Variants in STK32B observed in about 807,000 individuals in gnomAD.
STK32B encodes the protein serine/threonine-protein kinase 32B.
In STK32B, 43 loss-of-function variants were observed where a neutral mutation model predicts 52.6. The observed-to-expected ratio is 0.82, with a 90% confidence interval of 0.64 to 1.05. The LOEUF is 1.05. Among genes scored for constraint, STK32B ranks in the 50% least tolerant of loss-of-function variants. The pLI is 0.00. For synonymous variants in STK32B, 238 were observed against 204.3 expected (o/e 1.17, Z -1.41); for missense variants, 621 against 534.6 (o/e 1.16, Z -1.59).
chr4:5,280,365 GTC>G (rs1728115003), intron 3 of STK32B, among the ~76,000 whole-genome samples: 1 of 152,110 alleles, frequency 6.6e-6, no homozygotes, highest in Non-Finnish European at 1.5e-5. Flanking sequence ...CACTGTCCAT[GTC>G]ACTATCAGCA....
intron 1 of STK32B, among the ~76,000 whole-genome samples, chr4:5,137,591 G>A (rs941865185): frequency 6.6e-6 from 1 of 152,136 alleles, no homozygotes; most frequent in Non-Finnish European, 1.5e-5. Flanking sequence ...TGGAATGTAG[G>A]CCCCATTTTC....
chr4:5,153,161 G>T (rs1206663856), intron 2 of STK32B, among the ~76,000 whole-genome samples: 1 of 152,216 alleles, frequency 6.6e-6, no homozygotes, highest in Non-Finnish European at 1.5e-5. Flanking sequence ...CTGGAAACAA[G>T]TGGGGTCAGG....
chr4:5,158,141 C>A (rs1238433180), intron 2 of STK32B, among the ~76,000 whole-genome samples: 1 of 152,104 alleles, frequency 6.6e-6, no homozygotes, highest in Non-Finnish European at 1.5e-5. Context: ...CCATTACTGA[C>A]CAGCTTGGTG....
chr4:5,254,511 A>G (rs772537082), intron 3 of STK32B, among the ~76,000 whole-genome samples: 1 of 152,130 alleles, frequency 6.6e-6, no homozygotes, highest in Non-Finnish European at 1.5e-5. Context: ...CTGACAATGC[A>G]CTTAAGGTGA....
chr4:5,152,732 A>G (rs759854505), intron 2 of STK32B, among the ~76,000 whole-genome samples: 4 of 152,272 alleles, frequency 2.6e-5, no homozygotes, highest in Non-Finnish European at 5.9e-5. Context: ...TTTGCAGGCC[A>G]TTGCAGGTGT....
chr4:5,344,706 T>C (rs1397085568), intron 4 of STK32B, among the ~76,000 whole-genome samples: 4 of 150,370 alleles, frequency 2.7e-5, no homozygotes, highest in Non-Finnish European at 5.9e-5. Context: ...TTTTTTTTTG[T>C]CTTTTAATCA....
chr4:5,499,734 A>T lies in STK32B; in HGVS notation c.*651A>T, dbSNP rs933968986. 2 of 152,324 alleles carry T rather than the reference A, an allele frequency of 1.3e-5. No individual in the cohort carries two copies. Among genetic ancestry groups the T allele is most frequent in the Admixed American group, 6.5e-5 (1 of 15,286 alleles). The allele number at this position is 152,324 out of a possible 1,614,324, so 9.4% of individuals were successfully genotyped here. A position where few individuals can be genotyped will look rare whatever the true frequency, so the allele number is the denominator to read the frequency against. On this transcript the variant is annotated 3_prime_UTR_variant, in exon 12 of 12. Transcript: ENST00000282908. ...GCGGTCTCACTCCTCCCCTCATTTA[A>T]GAAGACTATCCTTACCTTTTAGTTT... is the stretch of plus-strand genomic sequence containing the variant.
chr4:5,468,999 G>A lies in STK32B; in HGVS notation c.1106+929G>A, dbSNP rs994443838. ...CGGGAGGCAGAGCTTGCAGTGAGCC[G>A]AGATCGCGCACACTGCACTCCAGCC... On this transcript the variant is annotated intron_variant, in intron 11 of 11. Coordinates refer to ENST00000282908, the MANE Select transcript of STK32B (RefSeq NM_018401.3). 3.3e-4 allele frequency among the ~76,000 whole-genome samples: 50 copies of A among 150,578 alleles called. 1 individual carries two copies. Among genetic ancestry groups the A allele is most frequent in the African/African-American group, 1.1e-3 (46 of 40,784 alleles).
At chr4:5,335,120 G>C (rs1732561940) in intron 4 of STK32B, among the ~76,000 whole-genome samples, 3 of 152,096 alleles carry the variant, frequency 2.0e-5, no homozygotes, top group South Asian at 2.1e-4. Context: ...ACTCTTTTTT[G>C]TTGGTAAGCT....
chr4:5,493,196 A>G (rs1719899969), intron 11 of STK32B, among the ~76,000 whole-genome samples: 1 of 152,048 alleles, frequency 6.6e-6, no homozygotes, highest in Non-Finnish European at 1.5e-5. Flanking sequence ...TCGGCTGTGA[A>G]TCCATCTGGT....
At chr4:5,427,008 A>G (rs974910029) in intron 6 of STK32B, 3 of 152,226 alleles carry the variant, frequency 2.0e-5, no homozygotes, top group East Asian at 3.8e-4. Context: ...TAAAAGCTGA[A>G]GTTTTAAATT....
intron 3 of STK32B, among the ~76,000 whole-genome samples, chr4:5,215,981 A>G (rs1021464410): frequency 1.3e-5 from 2 of 152,184 alleles, no homozygotes; most frequent in African/African-American, 4.8e-5. Context: ...TCCCTTATCC[A>G]AAGTTGGCCT....
intron 3 of STK32B, among the ~76,000 whole-genome samples, chr4:5,231,463 G>A (rs1335271669): frequency 6.6e-6 from 1 of 151,874 alleles, no homozygotes. Flanking sequence ...ATACAAAAAA[G>A]TAGCCAGGCA....
chr4:5,131,810 C>T (rs1715794483), intron 1 of STK32B, among the ~76,000 whole-genome samples: 1 of 152,222 alleles, frequency 6.6e-6, no homozygotes, highest in East Asian at 1.9e-4. Flanking sequence ...ATTGCAGCTC[C>T]TGCCCCCAAC....
intron 4 of STK32B, among the ~76,000 whole-genome samples, chr4:5,354,499 C>T (rs1734048119): frequency 6.6e-6 from 1 of 152,212 alleles, no homozygotes. Flanking sequence ...CTCCTGACTT[C>T]AGGTGATCCG....
chr4:5,141,567 C>T (rs1347769299), intron 2 of STK32B, among the ~76,000 whole-genome samples: 1 of 152,100 alleles, frequency 6.6e-6, no homozygotes, highest in Non-Finnish European at 1.5e-5. Context: ...TGTAGAAGTT[C>T]ATAGAAGTTC....
At chr4:5,265,547 A>G (rs886533461) in intron 3 of STK32B, among the ~76,000 whole-genome samples, 3 of 152,240 alleles carry the variant, frequency 2.0e-5, no homozygotes, top group Non-Finnish European at 4.4e-5. Flanking sequence ...GCACTGACAC[A>G]TTTGCTGTAG....
At chr4:5,319,554 A>T (rs1011365441) in intron 3 of STK32B, among the ~76,000 whole-genome samples, 1 of 141,038 alleles carries the variant, frequency 7.1e-6, no homozygotes, top group Non-Finnish European at 1.5e-5. Context: ...CTCCCATCTT[A>T]CCCCTCTCCA....
chr4:5,421,646 A>C (rs1337502112), intron 6 of STK32B, among the ~76,000 whole-genome samples: 1 of 152,128 alleles, frequency 6.6e-6, no homozygotes, highest in Non-Finnish European at 1.5e-5. Flanking sequence ...CTCCTGCCTC[A>C]CACTGTCTGA....
Sources: gnomAD v4.1 joint callset for allele counts (sites outside exome capture counted in the v4.1 genomes callset) on GRCh38, gnomAD v4.1.1 for gene constraint, MANE v1.5 for transcripts, NCBI Gene and HGNC (gene_info 2026-07-23, HGNC 2026-07-21) for gene names.